Variants in PIK3C2A observed in about 807,000 individuals in gnomAD.
The protein encoded by PIK3C2A is phosphatidylinositol 4-phosphate 3-kinase C2 domain-containing subunit alpha.
In PIK3C2A, 97 loss-of-function variants were observed where a neutral mutation model predicts 204.5. The ratio of observed to expected loss-of-function variants is 0.47; its 90% confidence interval spans 0.40 to 0.56. The LOEUF is 0.56. Among genes scored for constraint, PIK3C2A ranks in the 20% least tolerant of loss-of-function variants. The probability of loss-of-function intolerance (pLI) is 0.00; values close to 1 mark genes in which losing one functional copy is unlikely to be tolerated. For missense variants in PIK3C2A, 1,735 were observed against 1,969.2 expected, an observed-to-expected ratio of 0.88 and a Z score of 2.25; for synonymous variants, 653 against 664.4, an observed-to-expected ratio of 0.98 and a Z score of 0.26.
At chr11:17,113,001 C>T (rs572233851) in intron 20 of PIK3C2A, among the ~76,000 whole-genome samples, 1 of 151,820 alleles carries the variant, frequency 6.6e-6, no homozygotes, top group Non-Finnish European at 1.5e-5. Flanking sequence ...ATGAGAATTG[C>T]TTTTTCATTT....
chr11:17,162,756 G>A (rs1850818866), intron 2 of PIK3C2A, among the ~76,000 whole-genome samples: 1 of 152,154 alleles, frequency 6.6e-6, no homozygotes. Flanking sequence ...TTCTGCTTCA[G>A]GGGCTGCCTG....
At chr11:17,119,344 C>A in intron 16 of PIK3C2A, 31 bp from the exon 17 acceptor site, 1 of 1,276,194 alleles carries the variant, frequency 7.8e-7, no homozygotes, top group Non-Finnish European at 1.1e-6. Flanking sequence ...CAAGATTGGA[C>A]AGTGATTTCT....
intron 1 of PIK3C2A, among the ~76,000 whole-genome samples, chr11:17,207,526 G>A (rs1447592558): frequency 6.6e-6 from 1 of 152,126 alleles, no homozygotes; most frequent in Non-Finnish European, 1.5e-5. Context: ...CCGGCGGCCG[G>A]GGGGCCTGCC....
intron 1 of PIK3C2A, chr11:17,193,511 C>T (rs1022619146): frequency 6.7e-6 from 3 of 450,996 alleles, no homozygotes; most frequent in Admixed American, 4.7e-5. Flanking sequence ...AAGAACCACA[C>T]CACACACAAC....
rs1008503340 is a variant in PIK3C2A, at chr11:17,153,165, C to T, written c.1169+2361G>A. Among the ~76,000 whole-genome samples, 3 of 152,270 alleles carry T rather than the reference C, an allele frequency of 2.0e-5. No homozygotes were observed. The South Asian group carries it at 6.2e-4, about 32-fold the overall frequency. ...GAACTTTCTCGACCGGGTGTGGTGG[C>T]TCACACCTGTAATGCCAGCACTTTG... On this transcript the variant is annotated intron_variant, in intron 3 of 32. Coordinates refer to ENST00000691414, the MANE Select transcript of PIK3C2A (RefSeq NM_002645.4).
intron 1 of PIK3C2A, among the ~76,000 whole-genome samples, chr11:17,205,749 T>C (rs185193435): frequency 1.3e-5 from 2 of 152,300 alleles, no homozygotes; most frequent in East Asian, 3.9e-4. Context: ...GAAACAAACT[T>C]AGTATACAGT....
intron 22 of PIK3C2A, among the ~76,000 whole-genome samples, chr11:17,108,386 G>C (rs988583238): frequency 2.0e-5 from 3 of 152,072 alleles, no homozygotes; most frequent in African/African-American, 7.2e-5. Flanking sequence ...GTAGGATTTC[G>C]TGAGACCAGT....
chr11:17,091,858 A>G, intron 30 of PIK3C2A, 138 bp downstream of exon 30: 4 of 707,468 alleles, frequency 5.7e-6, no homozygotes, highest in Non-Finnish European at 9.9e-6. Flanking sequence ...ATTCAGAAAT[A>G]GACTGGCTTA....
At chr11:17,139,834 A>G (rs1850000927) in intron 8 of PIK3C2A, among the ~76,000 whole-genome samples, 1 of 151,754 alleles carries the variant, frequency 6.6e-6, no homozygotes, top group Non-Finnish European at 1.5e-5. Flanking sequence ...TTCTGTCCTC[A>G]CTCCCTCATT....
chr11:17,169,228 A>T lies in PIK3C2A; in HGVS notation c.514T>A (p.Phe172Ile). The change falls in exon 2 of 33, where the codon TTC becomes ATC. Residue 172 changes from phenylalanine (F) to isoleucine (I), a missense_variant. By Grantham distance (21) the Phe-to-Ile change is conservative. Coordinates refer to ENST00000691414, the MANE Select transcript of PIK3C2A (RefSeq NM_002645.4). ...YSKQAAFQNG[F>I]NPRMPTFPST... ...GGAAAAGTGGGCATTCTTGGATTGA[A>T]GCCATTTTGGAATGCAGCCTGTTTA... 1 of 1,614,160 alleles carries T rather than the reference A, an allele frequency of 6.2e-7. No individual in the cohort carries two copies. The highest frequency in any genetic ancestry group is 1.1e-5 in the South Asian group (1 of 91,082).
chr11:17,167,083 A>G (rs1445588511), intron 2 of PIK3C2A, among the ~76,000 whole-genome samples: 2 of 151,520 alleles, frequency 1.3e-5, no homozygotes, highest in Admixed American at 6.6e-5. Flanking sequence ...CGATCCTCCC[A>G]CCTCAGCCTC....
chr11:17,097,248 A>G lies in PIK3C2A; in HGVS notation c.4135T>C (p.Leu1379=), dbSNP rs750211569. 4 of 1,610,966 alleles carry G rather than the reference A, an allele frequency of 2.5e-6. No homozygotes were observed. Among genetic ancestry groups the G allele is most frequent in the Non-Finnish European group, 3.4e-6 (4 of 1,177,312 alleles). ...IFFTRLIESS[L]GSIATKFNFF... is the part of the protein sequence containing the mutation. ...TTAAACTTTGTGGCAATGCTTCCCA[A>G]ACTTGATTCAATAAGCCTACAAAAT... The change falls in exon 27 of 33, where the codon TTG becomes CTG. Residue 1379 remains leucine (L), a synonymous_variant. Coordinates refer to ENST00000691414, the MANE Select transcript of PIK3C2A (RefSeq NM_002645.4).
At chr11:17,158,119 G>A (rs1232416000) in intron 2 of PIK3C2A, among the ~76,000 whole-genome samples, 2 of 152,122 alleles carry the variant, frequency 1.3e-5, no homozygotes, top group Non-Finnish European at 2.9e-5. Context: ...GGACGCCGAG[G>A]CAGGCAAATC....
intron 27 of PIK3C2A, among the ~76,000 whole-genome samples, chr11:17,095,732 T>C (rs1848435913): frequency 6.6e-6 from 1 of 151,634 alleles, no homozygotes; most frequent in Admixed American, 6.6e-5. Context: ...CTGGGCAACA[T>C]GGCGAAACCC....
At chr11:17,148,863 C>G in intron 4 of PIK3C2A, 76 bp from the exon 5 acceptor site, 1 of 1,179,864 alleles carries the variant, frequency 8.5e-7, no homozygotes, top group Admixed American at 2.1e-5. Flanking sequence ...TAATTTAAGA[C>G]AGCAGTATAC....
At chr11:17,102,621 G>A in intron 24 of PIK3C2A, 41 bp downstream of exon 24, 1 of 1,493,080 alleles carries the variant, frequency 6.7e-7, no homozygotes, top group Non-Finnish European at 9.1e-7. Context: ...TTGTGAAACA[G>A]GAAGTGCCTC....
intron 8 of PIK3C2A, among the ~76,000 whole-genome samples, chr11:17,145,236 G>T (rs542767562): frequency 6.6e-6 from 1 of 152,230 alleles, no homozygotes; most frequent in Non-Finnish European, 1.5e-5. Context: ...GAGGGGCCAG[G>T]GGCACAATGA....
At chr11:17,190,742 A>C (rs886286908) in intron 1 of PIK3C2A, among the ~76,000 whole-genome samples, 4 of 152,132 alleles carry the variant, frequency 2.6e-5, no homozygotes, top group African/African-American at 4.8e-5. Flanking sequence ...TGGACTAAGC[A>C]GAAGGATTGA....
intron 2 of PIK3C2A, among the ~76,000 whole-genome samples, chr11:17,168,218 AAGCAAAGAATCAAAGCACACTTGAG>A (rs1328456839): frequency 6.6e-6 from 1 of 152,228 alleles, no homozygotes; most frequent in Admixed American, 6.5e-5. Context: ...TTTGCCACAC[AAGCAAAGAATCAAAGCACACTTGAG>A]AGCAAAGAAA....
Sources: allele counts gnomAD v4.1 joint callset (sites outside exome capture counted in the v4.1 genomes callset), GRCh38; gene constraint gnomAD v4.1.1; transcripts MANE v1.5; gene names NCBI Gene and HGNC (gene_info 2026-07-23, HGNC 2026-07-21).